Variants in IFIH1 observed in about 807,000 individuals in gnomAD.
The protein encoded by IFIH1 is interferon induced with helicase C domain 1, also known as interferon-induced helicase C domain-containing protein 1.
In IFIH1, 125 loss-of-function variants were observed where a neutral mutation model predicts 107.4. The ratio of observed to expected loss-of-function variants is 1.16; its 90% CI spans 1.01 to 1.35. IFIH1 has a LOEUF of 1.35. IFIH1 is among the 40% of genes most tolerant of loss of function. The probability of loss-of-function intolerance (pLI) is 0.00; values close to 1 mark genes in which losing one functional copy is unlikely to be tolerated. For synonymous variants in IFIH1, 458 were observed against 413.2 expected, an observed-to-expected ratio of 1.11 and a Z score of -1.31; for missense variants, 1,333 against 1,213.7, an observed-to-expected ratio of 1.10 and a Z score of -1.46.
intron 7 of IFIH1, 39 bp downstream of exon 7, chr2:162,281,289 G>T: frequency 6.6e-7 from 1 of 1,511,282 alleles, no homozygotes; most frequent in Non-Finnish European, 9.2e-7. Context: ...ATTTGTTTTA[G>T]CTTTGCTTTC....
chr2:162,293,463 T>G (rs1683033540), intron 4 of IFIH1, 101 bp downstream of exon 4: 4 of 665,588 alleles, frequency 6.0e-6, no homozygotes, highest in Non-Finnish European at 1.0e-5. Context: ...ATTGCTTTAA[T>G]TGCATAAATA....
rs745711656 is a variant in IFIH1, at chr2:162,306,020, C to T, written c.769+689G>A. Among the ~76,000 whole-genome samples, 61 of 152,296 alleles carry T rather than the reference C, an allele frequency of 4.0e-4. 1 individual carries two copies. The highest frequency in any genetic ancestry group is 2.1e-4 in the South Asian group (1 of 4,816). On this transcript the variant is annotated intron_variant, in intron 3 of 15. Transcript: ENST00000649979. ...TTCTTTTCCCCAGAGTTACTTGTTA[C>T]ATTCACCAGCACACCACAGGCTTTA...
rs762115082 is a variant in IFIH1 at position 162,318,187 on chromosome 2, C to G, written c.121G>C (p.Glu41Gln). 3 of 1,614,232 alleles carry G rather than the reference C, an allele frequency of 1.9e-6. No homozygotes were observed. Among genetic ancestry groups the G allele is most frequent in the Non-Finnish European group, 2.5e-6 (3 of 1,180,038 alleles). Residue 41 changes from glutamate (E) to glutamine (Q), a missense_variant, in exon 1 of 16, where the codon GAG becomes CAG. Glu to Gln is a conservative substitution (Grantham distance 29). Transcript: ENST00000649979. ...GTCCTCTGAATCTGCTCCTTCACCT[C>G]TGCAGGCAGAAAGGTCAGGTAGTCC... Reference protein sequence around the residue: ...VLDYLTFLPAEVKEQIQRTVA... With the variant: ...VLDYLTFLPAQVKEQIQRTVA...
At position 162,293,619 on chromosome 2, in the gene IFIH1, A is replaced by G. The variant is rs1683036979; in HGVS notation, c.819T>C (p.Ser273=). The part of the protein sequence containing the change: ...AEGSVSCLDE[S]LGHNSNMGSD... Reference sequence around the variant, plus strand: ...TGCCCATGTTGCTGTTATGTCCAAGACTTTCATCTAAGCAGCTGACACTTC... The same window carrying G: ...TGCCCATGTTGCTGTTATGTCCAAGGCTTTCATCTAAGCAGCTGACACTTC... Residue 273 remains serine, a synonymous_variant, in exon 4 of 16, where the codon AGT becomes AGC. Transcript: ENST00000649979. The G allele has an allele frequency of 1.2e-6, 2 of 1,611,972 alleles. No homozygotes were observed. The highest frequency in any genetic ancestry group is 3.3e-5 in the Admixed American group (2 of 59,836).
chr2:162,268,780 G>A (rs535254053), intron 13 of IFIH1, among the ~76,000 whole-genome samples: 34 of 152,086 alleles, frequency 2.2e-4, no homozygotes, highest in African/African-American at 8.2e-4. Context: ...AGTAGAGATG[G>A]AGTTTTGCCA....
At chr2:162,311,228 A>G (rs1390422350) in intron 1 of IFIH1, among the ~76,000 whole-genome samples, 1 of 152,100 alleles carries the variant, frequency 6.6e-6, no homozygotes, top group Non-Finnish European at 1.5e-5. Flanking sequence ...CCTAGAAAAT[A>G]AATTTTACCT....
intron 13 of IFIH1, among the ~76,000 whole-genome samples, chr2:162,271,643 G>A (rs899239217): frequency 6.6e-6 from 1 of 152,216 alleles, no homozygotes; most frequent in Admixed American, 6.5e-5. Flanking sequence ...CTAAAAACAA[G>A]AAAGTATCCA....
chr2:162,300,551 A>C (rs1292557936), intron 3 of IFIH1, among the ~76,000 whole-genome samples: 1 of 152,186 alleles, frequency 6.6e-6, no homozygotes, highest in East Asian at 1.9e-4. Flanking sequence ...ACAAACTTAC[A>C]TAATCCTTTA....
chr2:162,305,523 G>A (rs1683267098), intron 3 of IFIH1, among the ~76,000 whole-genome samples: 1 of 151,808 alleles, frequency 6.6e-6, no homozygotes, highest in South Asian at 2.1e-4. Context: ...TGAGCCAAGA[G>A]CATGCCACTG....
intron 3 of IFIH1, among the ~76,000 whole-genome samples, chr2:162,293,939 G>A (rs1384789137): frequency 1.3e-5 from 2 of 151,808 alleles, no homozygotes; most frequent in African/African-American, 4.8e-5. Context: ...ATTCCTAAGG[G>A]TTTATAACTT....
In IFIH1 at chr2:162,267,183, G is replaced by GTT; in HGVS notation, c.*16_*17insAA. ...ATGTTTAACTGATAGTATTTTAAAA[G>GTT]AATCTTCAATCAAGTGCTAATCCTC... On this transcript the variant is annotated 3_prime_UTR_variant, in exon 16 of 16. Transcript: ENST00000649979. 1.3e-6 allele frequency: 2 copies of GTT among 1,525,322 alleles called. No individual in the cohort carries two copies. Among genetic ancestry groups the GTT allele is most frequent in the Non-Finnish European group, 1.8e-6 (2 of 1,129,414 alleles). 94.5% of individuals were successfully genotyped at this position (1,525,322 alleles called of 1,614,324 possible). A position where few individuals can be genotyped will look rare whatever the true frequency, so the allele number is the denominator to read the frequency against.
chr2:162,307,014 G>C, intron 2 of IFIH1, 159 bp from the exon 3 acceptor site: 3 of 573,722 alleles, frequency 5.2e-6, no homozygotes, highest in Non-Finnish European at 9.0e-6. Flanking sequence ...AATGTAAATT[G>C]TATTGCAATG....
intron 4 of IFIH1, 85 bp from the exon 5 acceptor site, chr2:162,288,440 G>T: frequency 1.1e-6 from 1 of 941,140 alleles, no homozygotes; most frequent in Non-Finnish European, 1.6e-6. Flanking sequence ...TAGGCCTCTT[G>T]TGCTTTAAAC....
intron 15 of IFIH1, 34 bp downstream of exon 15, chr2:162,267,445 T>C (rs750162695): frequency 1.9e-6 from 3 of 1,611,684 alleles, no homozygotes; most frequent in Non-Finnish European, 1.7e-6. Flanking sequence ...TCCTGTTGGC[T>C]AAAGTAAAAT....
rs752544919 is a variant in IFIH1 at position 162,282,521 on chromosome 2, C to T, written c.1151G>A (p.Trp384Ter). 8.7e-6 allele frequency: 14 copies of T among 1,611,564 alleles called. No homozygotes were observed. Among genetic ancestry groups the T allele is most frequent in the Admixed American group, 3.3e-5 (2 of 59,764 alleles). Reference sequence around the variant, plus strand: ...ACCACTTAATCCAATAACACGATACCATTTCTTCAAAAATGGTTGGAACTC... The same window carrying T: ...ACCACTTAATCCAATAACACGATACTATTTCTTCAAAAATGGTTGGAACTC... ...RKEFQPFLKK[W>*]YRVIGLSGDT... The change falls in exon 6 of 16, where the codon TGG becomes TAG. Residue 384 changes from tryptophan to a stop codon, truncating the protein, a stop_gained. Coordinates refer to ENST00000649979, the MANE Select transcript of IFIH1 (RefSeq NM_022168.4). LOFTEE classifies it high-confidence loss of function.
At chr2:162,288,096 A>G (rs1298801845) in intron 5 of IFIH1, 39 bp downstream of exon 5, 6 of 1,345,150 alleles carry the variant, frequency 4.5e-6, no homozygotes, top group South Asian at 1.2e-5. Flanking sequence ...GAATAATACA[A>G]TGAAAATGAT....
chr2:162,295,065 T>G (rs1361863356), intron 3 of IFIH1, among the ~76,000 whole-genome samples: 2 of 152,048 alleles, frequency 1.3e-5, no homozygotes, highest in African/African-American at 2.4e-5. Context: ...TTGACAAATG[T>G]ATACAGTTTT....
intron 1 of IFIH1, among the ~76,000 whole-genome samples, chr2:162,316,120 C>A (rs1413214616): frequency 6.6e-6 from 1 of 152,198 alleles, no homozygotes; most frequent in Non-Finnish European, 1.5e-5. Flanking sequence ...GGCGGAAATT[C>A]AATCCAGGCA....
At chr2:162,288,431 A>C in intron 4 of IFIH1, 76 bp from the exon 5 acceptor site, 1 of 1,047,080 alleles carries the variant, frequency 9.6e-7, no homozygotes, top group Non-Finnish European at 1.4e-6. Context: ...AACTGAACGT[A>C]GGCCTCTTGT....
Sources: allele counts gnomAD v4.1 joint callset (sites outside exome capture counted in the v4.1 genomes callset), GRCh38; gene constraint gnomAD v4.1.1; transcripts MANE v1.5; gene names NCBI Gene and HGNC (gene_info 2026-07-23, HGNC 2026-07-21).